Variants in CEP128 observed in about 807,000 individuals in gnomAD.
CEP128 encodes the protein centrosomal protein 128kDa.
CEP128 carries 132 observed loss-of-function variants against 156.7 expected under a neutral mutation model. That is an observed-to-expected ratio of 0.84 (90% confidence interval 0.73 to 0.97). The LOEUF (loss-of-function observed/expected upper bound fraction) is 0.97. Among genes scored for constraint, CEP128 ranks in the 50% least tolerant of loss-of-function variants. CEP128 has a pLI of 0.00. For missense variants in CEP128, 1,252 were observed against 1,281.9 expected (o/e 0.98, Z 0.36); for synonymous variants, 469 against 448.9 (o/e 1.04, Z -0.57).
intron 20 of CEP128, among the ~76,000 whole-genome samples, chr14:80,577,095 T>C (rs746890271): frequency 9.9e-5 from 15 of 152,192 alleles, no homozygotes; most frequent in Non-Finnish European, 1.6e-4. Flanking sequence ...CATAACACTA[T>C]ATGTTCCTGA....
chr14:80,845,041 A>G (rs1384539920), intron 9 of CEP128, among the ~76,000 whole-genome samples: 1 of 152,170 alleles, frequency 6.6e-6, no homozygotes, highest in East Asian at 1.9e-4. Flanking sequence ...AGGGCCTCAC[A>G]GAAGGCTAAC....
chr14:80,608,138 T>A (rs1892857915), intron 19 of CEP128, among the ~76,000 whole-genome samples: 1 of 152,250 alleles, frequency 6.6e-6, no homozygotes, highest in Non-Finnish European at 1.5e-5. Context: ...CGATGTAAAG[T>A]CAGCACCAGC....
chr14:80,729,054 TG>T (rs543120613), intron 19 of CEP128, among the ~76,000 whole-genome samples: 1,881 of 92,100 alleles, frequency 0.02, 79 homozygotes, highest in East Asian at 0.11. Context: ...GCTGGGCTGG[TG>T]GGGGTGTGTG....
intron 8 of CEP128, among the ~76,000 whole-genome samples, chr14:80,877,628 C>G (rs1177831089): frequency 6.6e-6 from 1 of 152,144 alleles, no homozygotes; most frequent in African/African-American, 2.4e-5. Context: ...CTATAGGGCA[C>G]AAAAAGCCAG....
intron 19 of CEP128, among the ~76,000 whole-genome samples, chr14:80,663,637 C>T (rs1566842184): frequency 1.3e-5 from 2 of 152,150 alleles, no homozygotes; most frequent in African/African-American, 2.4e-5. Context: ...CTTCTCTGTG[C>T]GAGGCACTAC....
At chr14:80,596,235 A>T (rs1892313498) in intron 19 of CEP128, among the ~76,000 whole-genome samples, 1 of 152,162 alleles carries the variant, frequency 6.6e-6, no homozygotes, top group South Asian at 2.1e-4. Context: ...TGCTATCTAC[A>T]GAAAACTCAC....
At chr14:80,955,807 G>A (rs1886638900) in intron 2 of CEP128, 1 of 1,614,086 alleles carries the variant, frequency 6.2e-7, no homozygotes, top group African/African-American at 1.3e-5. Flanking sequence ...CACCTGCAAG[G>A]ATATTCAACG....
chr14:80,625,552 G>A (rs1029065999), intron 19 of CEP128, among the ~76,000 whole-genome samples: 1 of 151,986 alleles, frequency 6.6e-6, no homozygotes, highest in Non-Finnish European at 1.5e-5. Context: ...GGGTGGTAAG[G>A]TCATTTAAAA....
chr14:80,588,640 T>C (rs1011592383), intron 19 of CEP128, among the ~76,000 whole-genome samples: 10 of 152,188 alleles, frequency 6.6e-5, no homozygotes, highest in Admixed American at 4.6e-4. Flanking sequence ...TTCAGACATA[T>C]GGTGTTTAAT....
intron 19 of CEP128, among the ~76,000 whole-genome samples, chr14:80,732,100 C>T (rs945577886): frequency 6.6e-6 from 1 of 152,130 alleles, no homozygotes; most frequent in African/African-American, 2.4e-5. Flanking sequence ...ACATCCATTA[C>T]ATGTTTACTT....
chr14:80,858,823 A>C (rs1271056256), intron 9 of CEP128, among the ~76,000 whole-genome samples: 2 of 152,200 alleles, frequency 1.3e-5, no homozygotes, highest in African/African-American at 4.8e-5. Flanking sequence ...CCACCAGAGA[A>C]ATGCAAATCA....
intron 2 of CEP128, among the ~76,000 whole-genome samples, chr14:80,950,322 T>G (rs971218730): frequency 6.6e-6 from 1 of 152,216 alleles, no homozygotes; most frequent in Non-Finnish European, 1.5e-5. Flanking sequence ...TATCTTGTTT[T>G]AAGCCATCAA....
chr14:80,536,740 G>C (rs1271878275), intron 21 of CEP128, among the ~76,000 whole-genome samples: 1 of 152,188 alleles, frequency 6.6e-6, no homozygotes, highest in African/African-American at 2.4e-5. Context: ...CAGTAGCAGA[G>C]AATAGGCCAC....
At chr14:80,843,417 A>C (rs1437180708) in intron 9 of CEP128, among the ~76,000 whole-genome samples, 1 of 152,110 alleles carries the variant, frequency 6.6e-6, no homozygotes, top group African/African-American at 2.4e-5. Flanking sequence ...GAACATGTAG[A>C]TCATTCACTG....
intron 9 of CEP128, among the ~76,000 whole-genome samples, chr14:80,859,356 A>G (rs1437262004): frequency 7.3e-6 from 1 of 137,786 alleles, no homozygotes; most frequent in Non-Finnish European, 1.5e-5. Context: ...ATGAGAACAC[A>G]TGGACACAGG....
At chr14:80,503,020 G>C (rs1887807040) in intron 24 of CEP128, among the ~76,000 whole-genome samples, 1 of 152,020 alleles carries the variant, frequency 6.6e-6, no homozygotes, top group African/African-American at 2.4e-5. Flanking sequence ...TTAATGATAA[G>C]GTAGCTAGGA....
chr14:80,894,935 T>G (rs1313742923), intron 8 of CEP128, among the ~76,000 whole-genome samples: 2 of 151,926 alleles, frequency 1.3e-5, no homozygotes, highest in East Asian at 1.9e-4. Flanking sequence ...TAGGAAACTT[T>G]CAATTTGAAT....
chr14:80,831,940 A>G (rs1885823692), intron 12 of CEP128, among the ~76,000 whole-genome samples: 1 of 152,184 alleles, frequency 6.6e-6, no homozygotes, highest in Admixed American at 6.5e-5. Flanking sequence ...CCCCACTCAA[A>G]TCTCATCTTG....
At chr14:80,928,797 A>C (rs1428332985) in intron 2 of CEP128, among the ~76,000 whole-genome samples, 2 of 152,146 alleles carry the variant, frequency 1.3e-5, no homozygotes, top group African/African-American at 4.8e-5. Context: ...AAAACCTAGG[A>C]AAAACTCTTC....
Sources: gnomAD v4.1 joint callset for allele counts (sites outside exome capture counted in the v4.1 genomes callset) on GRCh38, gnomAD v4.1.1 for gene constraint, MANE v1.5 for transcripts, NCBI Gene and HGNC (gene_info 2026-07-23, HGNC 2026-07-21) for gene names.